The following UNC5D variants were observed in gnomAD, a reference collection of about 807,000 sequenced individuals.
UNC5D encodes unc-5 netrin receptor D, also known as netrin receptor UNC5D.
A neutral mutation model predicts 105.4 loss-of-function variants in UNC5D; 39 were observed. The ratio of observed to expected loss-of-function variants is 0.37; its 90% CI spans 0.29 to 0.48. The LOEUF (loss-of-function observed/expected upper bound fraction) is 0.48, where lower values mean the gene tolerates loss of function less well. UNC5D is among the 20% of genes least tolerant of loss of function. UNC5D has a pLI of 0.98. For synonymous variants in UNC5D, 452 were observed against 450.4 expected (o/e 1.00, Z -0.04); for missense variants, 991 against 1,202.4 (o/e 0.82, Z 2.60).
Position 35,326,473 on chromosome 8 carries a change from G to C in UNC5D, c.103+90586G>C, listed in dbSNP as rs1001785759. Among the ~76,000 whole-genome samples the C allele has an allele frequency of 2.0e-5, 3 of 152,328 alleles. No homozygotes were observed. In the East Asian group the frequency reaches 5.8e-4, roughly 29 times the overall value. On this transcript the variant is annotated intron_variant, in intron 1 of 16. Coordinates refer to ENST00000404895, the MANE Select transcript of UNC5D (RefSeq NM_080872.4). ...GTTTTCAAGTGAAAAAGAAATAATA[G>C]GCTGGGCACAGTGGCTCATGCCTGT...
intron 1 of UNC5D, among the ~76,000 whole-genome samples, chr8:35,297,576 G>A (rs1807587006): frequency 6.6e-6 from 1 of 152,088 alleles, no homozygotes; most frequent in African/African-American, 2.4e-5. Context: ...CACTTCAGCA[G>A]CTCTCTGGTC....
chr8:35,468,155 C>T (rs1196768902), intron 1 of UNC5D, among the ~76,000 whole-genome samples: 2 of 152,086 alleles, frequency 1.3e-5, no homozygotes, highest in Non-Finnish European at 2.9e-5. Flanking sequence ...ACTAACTTAG[C>T]CCGGTAATGT....
chr8:35,415,780 C>T (rs1236322601), intron 1 of UNC5D, among the ~76,000 whole-genome samples: 1 of 152,068 alleles, frequency 6.6e-6, no homozygotes, highest in Non-Finnish European at 1.5e-5. Flanking sequence ...ATGACTTTTC[C>T]CCTCTCTGCT....
chr8:35,593,386 A>T (rs1819297799), intron 3 of UNC5D, among the ~76,000 whole-genome samples: 1 of 152,220 alleles, frequency 6.6e-6, no homozygotes, highest in Non-Finnish European at 1.5e-5. Flanking sequence ...TGGGATGACC[A>T]TTTAGCAGCA....
intron 1 of UNC5D, chr8:35,256,209 A>C (rs1344536424): frequency 3.3e-5 from 5 of 152,170 alleles, no homozygotes; most frequent in Admixed American, 3.3e-4. Context: ...TTATTTTCTA[A>C]ATCTTTGTAT....
chr8:35,469,250 A>C (rs977014499), intron 1 of UNC5D, among the ~76,000 whole-genome samples: 5 of 152,234 alleles, frequency 3.3e-5, no homozygotes, highest in African/African-American at 1.2e-4. Flanking sequence ...AAGCTTAGAC[A>C]GCCCATTTAT....
intron 1 of UNC5D, among the ~76,000 whole-genome samples, chr8:35,282,745 T>C (rs1806285317): frequency 6.7e-6 from 1 of 149,940 alleles, no homozygotes; most frequent in South Asian, 2.1e-4. Context: ...CAGCATATCC[T>C]TCTTTCCTTT....
Position 35,743,036 on chromosome 8 carries a change from C to G in UNC5D, c.1767-5491C>G, listed in dbSNP as rs191804882. ...TGAATAAGTTATTTAGTGGTGATTT[C>G]TGAGATTTTGGTGCACACATCACCC... On this transcript the variant is annotated intron_variant, in intron 11 of 16. Transcript: ENST00000404895. Among the ~76,000 whole-genome samples, 494 of 152,254 alleles carry G rather than the reference C, an allele frequency of 3.2e-3. 2 individuals are homozygous for G. The highest frequency in any genetic ancestry group is 6.0e-3 in the Non-Finnish European group (407 of 68,024).
At chr8:35,268,618 C>A (rs1805057301) in intron 1 of UNC5D, among the ~76,000 whole-genome samples, 1 of 152,036 alleles carries the variant, frequency 6.6e-6, no homozygotes, top group South Asian at 2.1e-4. Flanking sequence ...ATATTTACTT[C>A]ATATTTTGTC....
intron 1 of UNC5D, among the ~76,000 whole-genome samples, chr8:35,377,753 G>T (rs192656299): frequency 1.3e-3 from 196 of 152,266 alleles, no homozygotes; most frequent in African/African-American, 4.5e-3. Context: ...ATCTTAGGTC[G>T]CTTTTCTGAA....
At chr8:35,577,087 A>AT (rs990913226) in intron 3 of UNC5D, among the ~76,000 whole-genome samples, 1 of 152,084 alleles carries the variant, frequency 6.6e-6, no homozygotes, top group African/African-American at 2.4e-5. Context: ...AGAAAATTAA[A>AT]TTTTTTTCAG....
chr8:35,786,607 C>T (rs774172775), intron 16 of UNC5D, among the ~76,000 whole-genome samples: 28 of 152,118 alleles, frequency 1.8e-4, no homozygotes, highest in Non-Finnish European at 3.8e-4. Flanking sequence ...TTTTTATGCC[C>T]TGGTGTTCCT....
rs540017012 is a variant in UNC5D, at chr8:35,795,635, C to T, written c.*5072C>T. ...AGACACAGCACCCTGTGCCAGGTAT[C>T]AGAAATATAAGCCTCAGCAGAGGGT... On this transcript the variant is annotated 3_prime_UTR_variant, in exon 17 of 17. Coordinates refer to ENST00000404895, the MANE Select transcript of UNC5D (RefSeq NM_080872.4). The T allele has an allele frequency of 8.5e-5, 13 of 152,270 alleles. No homozygotes were observed. Among genetic ancestry groups the T allele is most frequent in the African/African-American group, 2.9e-4 (12 of 41,554 alleles). The allele number at this position is 152,270 out of a possible 1,614,324, so 9.4% of individuals were successfully genotyped here.
chr8:35,610,504 T>A (rs191554427), intron 4 of UNC5D, among the ~76,000 whole-genome samples: 14 of 152,256 alleles, frequency 9.2e-5, no homozygotes, highest in Non-Finnish European at 1.8e-4. Flanking sequence ...ACTGTGGAAT[T>A]TTTGGAGGCC....
intron 1 of UNC5D, among the ~76,000 whole-genome samples, chr8:35,280,866 T>G (rs1806101894): frequency 6.6e-6 from 1 of 152,202 alleles, no homozygotes; most frequent in Non-Finnish European, 1.5e-5. Context: ...AATGCTCAAT[T>G]CTAATGATGT....
At chr8:35,289,820 C>T (rs988384409) in intron 1 of UNC5D, among the ~76,000 whole-genome samples, 3 of 151,968 alleles carry the variant, frequency 2.0e-5, no homozygotes, top group South Asian at 2.1e-4. Flanking sequence ...TTAGAAAAAT[C>T]GAAACCACAA....
intron 1 of UNC5D, among the ~76,000 whole-genome samples, chr8:35,484,315 T>C (rs1350841404): frequency 3.9e-5 from 6 of 152,198 alleles, no homozygotes; most frequent in African/African-American, 1.2e-4. Context: ...TGTCTAGGTT[T>C]CCACTGGGGC....
At chr8:35,390,394 T>A (rs1803696186) in intron 1 of UNC5D, among the ~76,000 whole-genome samples, 1 of 152,214 alleles carries the variant, frequency 6.6e-6, no homozygotes, top group Admixed American at 6.5e-5. Flanking sequence ...GTTGTCATCC[T>A]GATTATTGTT....
At chr8:35,729,999 CTAGATT>C (rs1333915787) in intron 10 of UNC5D, among the ~76,000 whole-genome samples, 1 of 152,164 alleles carries the variant, frequency 6.6e-6, no homozygotes, top group Non-Finnish European at 1.5e-5. Context: ...ACTGCCATCT[CTAGATT>C]TAAATTATCA....
Sources: gnomAD v4.1 joint callset for allele counts (sites outside exome capture counted in the v4.1 genomes callset) on GRCh38, gnomAD v4.1.1 for gene constraint, MANE v1.5 for transcripts, NCBI Gene and HGNC (gene_info 2026-07-23, HGNC 2026-07-21) for gene names.